Variants in ZFYVE28 observed in about 807,000 individuals in gnomAD.
The protein encoded by ZFYVE28 is zinc finger FYVE-type containing 28.
A neutral mutation model predicts 82.1 loss-of-function variants in ZFYVE28; 40 were observed. The ratio of observed to expected loss-of-function variants is 0.49; its 90% CI spans 0.38 to 0.63. The LOEUF (loss-of-function observed/expected upper bound fraction) is 0.63. Among genes scored for constraint, ZFYVE28 ranks in the 30% least tolerant of loss-of-function variants. The pLI is 0.00. For missense variants in ZFYVE28, 1,321 were observed against 1,242.1 expected (o/e 1.06, Z -0.96); for synonymous variants, 612 against 546.1 (o/e 1.12, Z -1.68).
In ZFYVE28 at chr4:2,337,605, G is replaced by A. The variant is rs527316939; in HGVS notation, c.522-109C>T. 1.1e-5 allele frequency: 9 copies of A among 825,028 alleles called. No homozygotes were observed. In the South Asian group the frequency reaches 1.7e-4, roughly 16 times the overall value. 51.1% of individuals were successfully genotyped at this position (825,028 alleles called of 1,614,324 possible). On this transcript the variant is annotated intron_variant, in intron 4 of 12. Transcript: ENST00000290974. ...AAGCTGCAATGCTGGGCAAGGTGGG[G>A]GCGGGGGGCCTCACGCCTGTAATCC...
rs987623012 is a variant in ZFYVE28 at position 2,372,360 on chromosome 4, C to T, written c.40-18287G>A. ...TACGCTGCCTCCCCAGCCCTTCCAT[C>T]GCCGCCTCCTGCCACCACCGCTCCC... is the stretch of plus-strand genomic sequence containing the variant. On this transcript the variant is annotated intron_variant, in intron 1 of 12. Transcript: ENST00000290974. The surrounding 1 kb of genome is among the most constrained non-coding windows in gnomAD (Gnocchi z 5.2). Among the ~76,000 whole-genome samples, 1 of 152,038 alleles carries T rather than the reference C, an allele frequency of 6.6e-6. No homozygotes were observed. The highest frequency in any genetic ancestry group is 1.5e-5 in the Non-Finnish European group (1 of 67,992).
chr4:2,292,886 C>T (rs1713950859), intron 8 of ZFYVE28, among the ~76,000 whole-genome samples: 1 of 152,176 alleles, frequency 6.6e-6, no homozygotes, highest in African/African-American at 2.4e-5. Context: ...GATGCAAAAT[C>T]CTACTGAAGT....
At chr4:2,289,512 C>G (rs1374553425) in intron 8 of ZFYVE28, among the ~76,000 whole-genome samples, 2 of 152,188 alleles carry the variant, frequency 1.3e-5, no homozygotes, top group Non-Finnish European at 2.9e-5. Context: ...CTCCTGCCAC[C>G]TGCTGTCATC....
intron 8 of ZFYVE28, chr4:2,287,064 CA>C (rs1712858176): frequency 6.6e-6 from 1 of 152,290 alleles, no homozygotes; most frequent in African/African-American, 2.4e-5. Context: ...CAGGAGCCAC[CA>C]GAAGCTGGAA....
chr4:2,375,644 G>A (rs982874131), intron 1 of ZFYVE28, among the ~76,000 whole-genome samples: 10 of 36,956 alleles, frequency 2.7e-4, no homozygotes, highest in Admixed American at 3.7e-4. Context: ...AGGAAACGAC[G>A]TGGCGCCTGC....
chr4:2,336,708 T>G, intron 5 of ZFYVE28, among the ~76,000 whole-genome samples: 1 of 139,320 alleles, frequency 7.2e-6, no homozygotes, highest in Admixed American at 7.1e-5. Context: ...ATGTGAGAAA[T>G]AAGGAGCTAA....
intron 1 of ZFYVE28, among the ~76,000 whole-genome samples, chr4:2,357,326 G>A (rs769796671): frequency 3.3e-5 from 5 of 152,126 alleles, no homozygotes; most frequent in African/African-American, 1.2e-4. Flanking sequence ...GCCCCTCCTC[G>A]CTCCCAAGGA....
rs762325186 is a variant in ZFYVE28 at position 2,304,903 on chromosome 4, G to A, written c.1437C>T (p.Cys479=). The change falls in exon 8 of 13, where the codon TGC becomes TGT. Residue 479 remains cysteine, a synonymous_variant. Transcript: ENST00000290974. The stretch of plus-strand genomic sequence containing the variant: ...GGTGCAGCCGCGAGTCCAGGCAGCT[G>A]CAGGAGCTGGTGCCCGCGAGGCTGG... ...DGASLAGTSS[C]SCLDSRLHLD... is the part of the protein sequence containing the mutation. 11 of 1,612,608 alleles carry A rather than the reference G, an allele frequency of 6.8e-6. No individual in the cohort carries two copies. The highest frequency in any genetic ancestry group is 1.3e-5 in the African/African-American group (1 of 74,936).
intron 8 of ZFYVE28, among the ~76,000 whole-genome samples, chr4:2,279,865 C>T (rs1175688102): frequency 6.6e-6 from 1 of 151,686 alleles, no homozygotes; most frequent in Non-Finnish European, 1.5e-5. Context: ...GGGCAGAAAG[C>T]AGAACCGTGG....
At chr4:2,412,113 G>C (rs1025108593) in intron 1 of ZFYVE28, among the ~76,000 whole-genome samples, 2 of 152,176 alleles carry the variant, frequency 1.3e-5, no homozygotes, top group South Asian at 4.1e-4. Context: ...GATCCACGGG[G>C]ATGCCTGAGG....
intron 3 of ZFYVE28, among the ~76,000 whole-genome samples, chr4:2,340,262 A>G (rs1001541907): frequency 6.6e-6 from 1 of 152,120 alleles, no homozygotes; most frequent in African/African-American, 2.4e-5. Flanking sequence ...GCAGGTAAGG[A>G]GGGCTCCTCC....
chr4:2,340,026 C>T (rs544404741), intron 3 of ZFYVE28, among the ~76,000 whole-genome samples: 41 of 152,116 alleles, frequency 2.7e-4, no homozygotes, highest in African/African-American at 9.4e-4. Flanking sequence ...GACTCTTTTC[C>T]GCTCCCCGTC....
chr4:2,283,577 C>CCCATCCAT (rs564572115), intron 8 of ZFYVE28, among the ~76,000 whole-genome samples: 2,361 of 147,132 alleles, frequency 0.016, 61 homozygotes, highest in African/African-American at 0.058. Context: ...CGTCCATCCA[C>CCCATCCAT]CCATCCATCC....
At chr4:2,279,530 A>G (rs964783447) in intron 8 of ZFYVE28, among the ~76,000 whole-genome samples, 8 of 152,234 alleles carry the variant, frequency 5.3e-5, no homozygotes, top group Admixed American at 3.9e-4. Context: ...CTGTAATCCC[A>G]GCACTTTGGG....
At chr4:2,357,707 C>T (rs146273712) in intron 1 of ZFYVE28, among the ~76,000 whole-genome samples, 2,351 of 152,238 alleles carry the variant, frequency 0.015, 23 homozygotes, top group Middle Eastern at 0.034. Flanking sequence ...AGCTCGCTGA[C>T]GAGACACCAT....
At chr4:2,303,830 T>C (rs1313596554) in intron 8 of ZFYVE28, among the ~76,000 whole-genome samples, 1 of 152,230 alleles carries the variant, frequency 6.6e-6, no homozygotes, top group Non-Finnish European at 1.5e-5. Flanking sequence ...CAGCCCGGTG[T>C]GAGCCAGGCA....
At chr4:2,308,113 T>TTTCTTC (rs554713358) in intron 7 of ZFYVE28, among the ~76,000 whole-genome samples, 5 of 151,926 alleles carry the variant, frequency 3.3e-5, no homozygotes, top group South Asian at 4.2e-4. Flanking sequence ...TGTCTCCAAT[T>TTTCTTC]TTCTTCTTCT....
chr4:2,357,249 C>T (rs780957329), intron 1 of ZFYVE28, among the ~76,000 whole-genome samples: 115 of 152,188 alleles, frequency 7.6e-4, no homozygotes, highest in Admixed American at 3.6e-3. Flanking sequence ...CTTCCCCTCC[C>T]CTAGAATTCT....
At chr4:2,401,061 C>T (rs1217346050) in intron 1 of ZFYVE28, among the ~76,000 whole-genome samples, 1 of 152,188 alleles carries the variant, frequency 6.6e-6, no homozygotes, top group African/African-American at 2.4e-5. Context: ...TGAGAATGTC[C>T]CCAGGTGAGC....
Sources: gnomAD v4.1 joint callset for allele counts (sites outside exome capture counted in the v4.1 genomes callset) on GRCh38, gnomAD v4.1.1 for gene constraint, Gnocchi (gnomAD v3.1) non-coding constraint, MANE v1.5 for transcripts, NCBI Gene and HGNC (gene_info 2026-07-23, HGNC 2026-07-21) for gene names.